Variants in CEP112 observed in about 807,000 individuals in gnomAD.
CEP112 encodes the protein centrosomal protein 112.
CEP112 carries 127 observed loss-of-function variants against 153.0 expected under a neutral mutation model. The observed-to-expected ratio is 0.83, with a 90% CI of 0.72 to 0.96. The LOEUF (loss-of-function observed/expected upper bound fraction) is 0.96. Ranked by LOEUF, CEP112 falls within the 40% of genes least tolerant of loss-of-function variation. CEP112 has a pLI of 0.00. For synonymous variants in CEP112, 358 were observed against 374.4 expected, an observed-to-expected ratio of 0.96 and a Z score of 0.51; for missense variants, 1,089 against 1,101.2, an observed-to-expected ratio of 0.99 and a Z score of 0.16.
chr17:65,821,629 A>G (rs1161823159), intron 21 of CEP112, among the ~76,000 whole-genome samples: 1 of 138,276 alleles, frequency 7.2e-6, no homozygotes, highest in Non-Finnish European at 1.5e-5. Context: ...TCGGCTTACC[A>G]CAACCTCTGC....
chr17:66,055,208 TATG>T (rs1350123135), intron 11 of CEP112, among the ~76,000 whole-genome samples: 1 of 152,134 alleles, frequency 6.6e-6, no homozygotes, highest in African/African-American at 2.4e-5. Flanking sequence ...AGGCAATAAT[TATG>T]ATAATTGTAC....
chr17:65,664,669 GC>G (rs2046596392), intron 24 of CEP112, among the ~76,000 whole-genome samples: 1 of 152,196 alleles, frequency 6.6e-6, no homozygotes, highest in South Asian at 2.1e-4. Flanking sequence ...AGCAGGTAGA[GC>G]CCAAGACAAT....
At chr17:65,863,937 A>T (rs1191347287) in intron 20 of CEP112, among the ~76,000 whole-genome samples, 2 of 151,496 alleles carry the variant, frequency 1.3e-5, no homozygotes, top group Non-Finnish European at 2.9e-5. Flanking sequence ...AGGTGAAGAG[A>T]TCGAGACCAA....
intron 18 of CEP112, among the ~76,000 whole-genome samples, chr17:65,940,386 A>T (rs1358898651): frequency 6.6e-6 from 1 of 152,214 alleles, no homozygotes; most frequent in East Asian, 1.9e-4. Context: ...CCCACTACTC[A>T]GCATAAATCA....
intron 4 of CEP112, among the ~76,000 whole-genome samples, chr17:66,148,313 T>C (rs1006360145): frequency 5.9e-5 from 9 of 152,162 alleles, no homozygotes; most frequent in Admixed American, 4.6e-4. Flanking sequence ...GTGGGAATTA[T>C]GGGAGCTATA....
At chr17:65,897,901 T>C (rs1284560894) in intron 20 of CEP112, among the ~76,000 whole-genome samples, 1 of 152,000 alleles carries the variant, frequency 6.6e-6, no homozygotes, top group Non-Finnish European at 1.5e-5. Context: ...CTCTCAGAAC[T>C]GAGAACTAGA....
intron 12 of CEP112, among the ~76,000 whole-genome samples, chr17:66,046,546 G>A (rs191880317): frequency 6.6e-6 from 1 of 152,170 alleles, no homozygotes; most frequent in East Asian, 1.9e-4. Context: ...ATTTATAAGT[G>A]ATAACATAAT....
intron 21 of CEP112, among the ~76,000 whole-genome samples, chr17:65,848,984 T>A (rs2146285412): frequency 6.6e-6 from 1 of 152,292 alleles, no homozygotes; most frequent in East Asian, 1.9e-4. Context: ...ACCAAGAGGA[T>A]GATGTTCCTA....
At chr17:65,958,876 C>T (rs985807528) in intron 18 of CEP112, among the ~76,000 whole-genome samples, 3 of 152,174 alleles carry the variant, frequency 2.0e-5, no homozygotes, top group African/African-American at 7.2e-5. Flanking sequence ...CCCATGGCCA[C>T]CCATGGACCA....
chr17:66,056,072 T>A (rs924559365), intron 11 of CEP112, among the ~76,000 whole-genome samples: 1 of 152,166 alleles, frequency 6.6e-6, no homozygotes, highest in Admixed American at 6.6e-5. Context: ...AGGATACAAA[T>A]CTTGCTGGAG....
intron 17 of CEP112, among the ~76,000 whole-genome samples, chr17:65,974,669 G>A (rs532312903): frequency 4.6e-5 from 7 of 152,166 alleles, no homozygotes; most frequent in African/African-American, 7.2e-5. Context: ...TAAAAAGAAC[G>A]AGTGACTTCC....
chr17:66,024,621 A>G (rs901253371), intron 16 of CEP112, among the ~76,000 whole-genome samples: 2 of 152,148 alleles, frequency 1.3e-5, no homozygotes, highest in South Asian at 2.1e-4. Flanking sequence ...GGAAAACTAC[A>G]AAACACTGTT....
At chr17:65,682,592 GACACACAACAC>G (rs2047586394) in intron 24 of CEP112, among the ~76,000 whole-genome samples, 1 of 152,108 alleles carries the variant, frequency 6.6e-6, no homozygotes, top group Admixed American at 6.5e-5. Flanking sequence ...TGCTGGTCCT[GACACACAACAC>G]AGCGCTCAAT....
At chr17:65,977,648 G>T (rs1050642974) in intron 17 of CEP112, among the ~76,000 whole-genome samples, 2 of 152,152 alleles carry the variant, frequency 1.3e-5, no homozygotes, top group Non-Finnish European at 2.9e-5. Context: ...GGGGTTAAGT[G>T]AGGAATAAGT....
chr17:65,660,775 C>G (rs1340366694), intron 24 of CEP112, among the ~76,000 whole-genome samples: 1 of 152,006 alleles, frequency 6.6e-6, no homozygotes, highest in Non-Finnish European at 1.5e-5. Context: ...GCTGGGCAAT[C>G]TACCTGCTTG....
chr17:65,721,518 A>G (rs996670987), intron 23 of CEP112, among the ~76,000 whole-genome samples: 1 of 152,220 alleles, frequency 6.6e-6, no homozygotes, highest in African/African-American at 2.4e-5. Context: ...CCAAAAATAA[A>G]GAATGCTGCT....
rs533990716 is a variant in CEP112 at position 65,656,443 on chromosome 17, T to C, written c.2698-15378A>G. Among the ~76,000 whole-genome samples the C allele has an allele frequency of 2.0e-5, 3 of 152,356 alleles. No homozygotes were observed. The East Asian group carries it at 5.8e-4, about 29-fold the overall frequency. ...GTCTGAATTGAAACAACATAGAATATGCAAAATATTCACTTACATTTATGC... is the reference window on the plus strand; with the variant it reads ...GTCTGAATTGAAACAACATAGAATACGCAAAATATTCACTTACATTTATGC... On this transcript the variant is annotated intron_variant, in intron 24 of 26. Coordinates refer to ENST00000535342, the MANE Select transcript of CEP112 (RefSeq NM_001199165.4).
At chr17:66,015,209 T>C (rs952756112) in intron 16 of CEP112, among the ~76,000 whole-genome samples, 1 of 152,248 alleles carries the variant, frequency 6.6e-6, no homozygotes, top group Non-Finnish European at 1.5e-5. Context: ...GGTTTTCTTT[T>C]ATATAATCTT....
intron 18 of CEP112, among the ~76,000 whole-genome samples, chr17:65,934,180 C>T (rs1256839738): frequency 6.6e-6 from 1 of 151,646 alleles, no homozygotes; most frequent in African/African-American, 2.4e-5. Context: ...CAGACCAAGA[C>T]TCTGTCTCAA....
Sources: gnomAD v4.1 joint callset for allele counts (sites outside exome capture counted in the v4.1 genomes callset) on GRCh38, gnomAD v4.1.1 for gene constraint, MANE v1.5 for transcripts, NCBI Gene and HGNC (gene_info 2026-07-23, HGNC 2026-07-21) for gene names.